FANCA: variants seen among roughly 807,000 people sequenced by gnomAD.
The protein encoded by FANCA is Fanconi anemia group A protein.
FANCA carries 236 observed loss-of-function variants against 194.3 expected under a neutral mutation model. The observed-to-expected ratio is 1.21, with a 90% CI of 1.09 to 1.35. FANCA has a LOEUF of 1.35. Ranked by LOEUF, FANCA falls within the 40% of genes most tolerant of loss-of-function variation. FANCA has a pLI of 0.00. For synonymous variants in FANCA, 1,014 were observed against 715.8 expected, an observed-to-expected ratio of 1.42 and a Z score of -6.65; for missense variants, 2,628 against 1,813.9, an observed-to-expected ratio of 1.45 and a Z score of -8.15.
At chr16:89,782,450 G>T (rs1282699040) in intron 17 of FANCA, among the ~76,000 whole-genome samples, 2 of 151,770 alleles carry the variant, frequency 1.3e-5, no homozygotes, top group African/African-American at 4.8e-5. Flanking sequence ...GGCAGAGGTT[G>T]CAGTGAGCCG....
chr16:89,762,051 A>C (rs1282559864), intron 28 of FANCA, 29 bp from the exon 29 acceptor site: 4 of 1,558,564 alleles, frequency 2.6e-6, no homozygotes, highest in Admixed American at 1.7e-5. Context: ...AATTCAATAC[A>C]ATGAGGACAG....
intron 15 of FANCA, 118 bp from the exon 16 acceptor site, chr16:89,783,220 G>T: frequency 1.3e-6 from 1 of 791,954 alleles, no homozygotes; most frequent in African/African-American, 1.7e-5. Context: ...GCCCTTTACA[G>T]TCAGACTTAT....
At chr16:89,767,045 GCA>G (rs1285356505) in intron 27 of FANCA, 94 bp downstream of exon 27, 6 of 989,756 alleles carry the variant, frequency 6.1e-6, no homozygotes, top group Middle Eastern at 2.1e-4. Context: ...CCTGAGATGG[GCA>G]CAAAGCGGCA....
At chr16:89,776,761 G>A (rs948351572) in intron 20 of FANCA, among the ~76,000 whole-genome samples, 1 of 151,986 alleles carries the variant, frequency 6.6e-6, no homozygotes, top group Non-Finnish European at 1.5e-5. Flanking sequence ...AACCCAGAAG[G>A]TGGAGCTTGC....
Position 89,799,121 on chromosome 16 carries a change from C to A in FANCA, c.893+45G>T, listed in dbSNP as rs749204966. On this transcript the variant is annotated intron_variant, in intron 10 of 42. Coordinates refer to ENST00000389301, the MANE Select transcript of FANCA (RefSeq NM_000135.4). ...TATCTTGGCTCTTTAATTTGGCAGA[C>A]ACCTCCCTGCTGCACACTCAGGCAG... The A allele has an allele frequency of 6.2e-6, 10 of 1,614,190 alleles. No homozygotes were observed. The South Asian group carries it at 8.8e-5, about 14-fold the overall frequency.
intron 29 of FANCA, among the ~76,000 whole-genome samples, chr16:89,759,035 G>T (rs2038855105): frequency 1.3e-5 from 2 of 152,084 alleles, no homozygotes; most frequent in African/African-American, 4.8e-5. Flanking sequence ...AAAAATGTAG[G>T]CTGGGGCAGG....
intron 12 of FANCA, 147 bp from the exon 13 acceptor site, chr16:89,792,215 G>A (rs1468193211): frequency 2.5e-5 from 25 of 1,018,556 alleles, no homozygotes; most frequent in South Asian, 9.2e-5. Context: ...AGCTCACACC[G>A]TGGCGTCTCT....
chr16:89,794,291 C>G (rs924827087), intron 11 of FANCA, among the ~76,000 whole-genome samples: 1 of 152,188 alleles, frequency 6.6e-6, no homozygotes, highest in African/African-American at 2.4e-5. Flanking sequence ...GTGGCTCACG[C>G]CTGTAATCCC....
intron 29 of FANCA, among the ~76,000 whole-genome samples, chr16:89,761,228 G>A (rs2038940644): frequency 1.3e-5 from 2 of 152,104 alleles, no homozygotes; most frequent in South Asian, 2.1e-4. Flanking sequence ...GACCACCCTG[G>A]TTAACACGGT....
intron 13 of FANCA, 97 bp from the exon 14 acceptor site, chr16:89,791,633 CTG>C: frequency 6.6e-7 from 1 of 1,520,806 alleles, no homozygotes; most frequent in South Asian, 1.2e-5. Context: ...CAGAAGGAGA[CTG>C]TGCACACCCA....
rs763476154 is a variant in FANCA at position 89,778,814 on chromosome 16, C to A, written c.1813G>T (p.Glu605Ter). ...KVPDSRVAFI[E>*]SLKRADKIPP... ...GTTGCTGCATACCTCTTCAGAGACT[C>A]TATAAACGCCACACGGGAGTCAGGG... Residue 605 changes from glutamate to a stop codon, truncating the protein, a stop_gained, in exon 20 of 43, where the codon GAG (glutamate) becomes TAG (stop). Coordinates refer to ENST00000389301, the MANE Select transcript of FANCA (RefSeq NM_000135.4). LOFTEE classifies it high-confidence loss of function. The A allele has an allele frequency of 6.2e-7, 1 of 1,613,996 alleles. No individual in the cohort carries two copies.
At chr16:89,764,719 C>T in intron 28 of FANCA, 171 bp downstream of exon 28, 1 of 801,944 alleles carries the variant, frequency 1.2e-6, no homozygotes, top group Non-Finnish European at 2.2e-6. Context: ...GGCACACGCA[C>T]CCTAGACTCG....
At chr16:89,771,874 GGCCTAGAGAGCTCC>G in intron 22 of FANCA, 60 bp from the exon 23 acceptor site, 1 of 1,599,136 alleles carries the variant, frequency 6.3e-7, no homozygotes. Flanking sequence ...ATACAGCTGC[GGCCTAGAGAGCTCC>G]GCCTCCCGTC....
At position 89,764,964 on chromosome 16, in the gene FANCA, C is replaced by G. The variant is rs1009521389; in HGVS notation, c.2704G>C (p.Asp902His). The G allele has an allele frequency of 8.7e-6, 14 of 1,614,238 alleles. 2 individuals are homozygous for G. The African/African-American group carries it at 9.3e-5, about 11-fold the overall frequency. The part of the protein sequence containing the change: ...SWRPLHLPSA[D>H]WQRAALSLWT... ...AGAGAGAGGGCAGCTCTCTGCCAGTCTGCAGAAGGAAGGTGCAAGGGTCTC... is the reference window on the plus strand; with the variant it reads ...AGAGAGAGGGCAGCTCTCTGCCAGTGTGCAGAAGGAAGGTGCAAGGGTCTC... Residue 902 changes from aspartate to histidine, a missense_variant, in exon 28 of 43, where the codon GAC (aspartate) becomes CAC (histidine). Physicochemically the swap from Asp to His is moderately conservative, Grantham distance 81. Coordinates refer to ENST00000389301, the MANE Select transcript of FANCA (RefSeq NM_000135.4).
rs2039604487 is a variant in FANCA, at chr16:89,778,815, T to A, written c.1812A>T (p.Ile604=). The A allele has an allele frequency of 6.2e-7, 1 of 1,613,900 alleles. No homozygotes were observed. The highest frequency in any genetic ancestry group is 8.5e-7 in the Non-Finnish European group (1 of 1,179,994). ...TTGCTGCATACCTCTTCAGAGACTC[T>A]ATAAACGCCACACGGGAGTCAGGGA... The part of the protein sequence containing the change: ...PKVPDSRVAF[I]ESLKRADKIP... The change falls in exon 20 of 43, where the codon ATA becomes ATT. Residue 604 remains isoleucine, a synonymous_variant. Transcript: ENST00000389301.
intron 29 of FANCA, among the ~76,000 whole-genome samples, chr16:89,761,131 G>A (rs1469879090): frequency 2.0e-5 from 3 of 152,136 alleles, no homozygotes; most frequent in Non-Finnish European, 4.4e-5. Context: ...CCGAAATTGG[G>A]CAACCTGGCC....
At position 89,738,064 on chromosome 16, in the gene FANCA, G is replaced by C; in HGVS notation, c.*537C>G. On this transcript the variant is annotated 3_prime_UTR_variant, in exon 43 of 43. Transcript: ENST00000389301. The stretch of plus-strand genomic sequence containing the variant: ...CAAGGCTGAGACTGAGCTGGACTTT[G>C]CCTGTGACCAGTGTGGCCGGCGGTT... The C allele has an allele frequency of 6.2e-7, 1 of 1,614,130 alleles. No individual in the cohort carries two copies. The highest frequency in any genetic ancestry group is 8.5e-7 in the Non-Finnish European group (1 of 1,180,044).
At chr16:89,779,993 G>C (rs2143433307) in intron 17 of FANCA, 36 bp from the exon 18 acceptor site, 3 of 1,590,384 alleles carry the variant, frequency 1.9e-6, no homozygotes, top group Non-Finnish European at 2.6e-6. Context: ...AAAAAGAACA[G>C]AGGACTTTAA....
intron 37 of FANCA, among the ~76,000 whole-genome samples, chr16:89,741,529 TCTGTTC>T (rs147597699): frequency 4.4e-4 from 67 of 152,286 alleles, no homozygotes; most frequent in African/African-American, 1.5e-3. Flanking sequence ...GATGCTTGTT[TCTGTTC>T]CTGTTCTGCA....
Sources: gnomAD v4.1 joint callset for allele counts (sites outside exome capture counted in the v4.1 genomes callset) on GRCh38, gnomAD v4.1.1 for gene constraint, MANE v1.5 for transcripts, NCBI Gene and HGNC (gene_info 2026-07-23, HGNC 2026-07-21) for gene names.